Variants in ENOX2 observed in about 807,000 individuals in gnomAD.
The protein encoded by ENOX2 is ecto-NOX disulfide-thiol exchanger 2, also known as APK1 antigen.
ENOX2 carries 36 observed loss-of-function variants against 45.0 expected under a neutral mutation model. The observed-to-expected ratio is 0.80, with a 90% CI of 0.61 to 1.06. The LOEUF (loss-of-function observed/expected upper bound fraction) is 1.06, where lower values mean the gene tolerates loss of function less well. Among genes scored for constraint, ENOX2 ranks in the 50% least tolerant of loss-of-function variants. The pLI, the probability that ENOX2 is intolerant of heterozygous loss-of-function variation, is 0.00. For synonymous variants in ENOX2, 174 were observed against 152.3 expected (o/e 1.14, Z -1.05); for missense variants, 423 against 462.5 (o/e 0.91, Z 0.78).
intron 12 of ENOX2, among the ~76,000 whole-genome samples, chrX:130,632,972 G>C (rs752144176): frequency 7.6e-4 from 85 of 112,316 alleles, no homozygotes; most frequent in African/African-American, 2.6e-3. Flanking sequence ...GAGTTTAACA[G>C]ATTGGGGTTG....
intron 2 of ENOX2, among the ~76,000 whole-genome samples, chrX:130,848,376 T>G (rs2078150609): frequency 8.9e-6 from 1 of 111,819 alleles, no homozygotes; most frequent in Non-Finnish European, 1.9e-5. Context: ...AAATCAAATA[T>G]TGTAAATCTA....
At chrX:130,674,916 A>G (rs1424121072) in intron 6 of ENOX2, among the ~76,000 whole-genome samples, 1 of 95,308 alleles carries the variant, frequency 1.0e-5, no homozygotes, top group Non-Finnish European at 2.1e-5. Context: ...ATGATTTCCA[A>G]TTTCATCCAT....
chrX:130,753,241 T>C (rs1603339854), intron 3 of ENOX2, among the ~76,000 whole-genome samples: 1 of 110,383 alleles, frequency 9.1e-6, no homozygotes, highest in East Asian at 2.8e-4. Flanking sequence ...CTCCCCATTC[T>C]ATCTCTTCTG....
intron 8 of ENOX2, among the ~76,000 whole-genome samples, chrX:130,666,507 C>T (rs2036836273): frequency 9.0e-6 from 1 of 111,428 alleles, no homozygotes; most frequent in South Asian, 3.8e-4. Context: ...GACAAGAGCC[C>T]CTGTCTGGTT....
chrX:130,809,521 T>G (rs529273851), intron 2 of ENOX2, among the ~76,000 whole-genome samples: 1 of 111,907 alleles, frequency 8.9e-6, no homozygotes, highest in South Asian at 3.8e-4. Context: ...GTTTTTTTAT[T>G]CTCCCCAAAG....
intron 3 of ENOX2, among the ~76,000 whole-genome samples, chrX:130,780,824 C>T (rs1346051348): frequency 1.8e-5 from 2 of 111,159 alleles, no homozygotes; most frequent in Non-Finnish European, 3.8e-5. Context: ...ATCCCTCCCT[C>T]GTTTGCAGGG....
In ENOX2 at chrX:130,700,433, C is replaced by T. The variant is rs1328325013; in HGVS notation, c.97+2687G>A. ...AGGTCAAAGAGAAACCATTTCTTTA[C>T]AGTCGTTAAGAAAACAAGATGTGGA... On this transcript the variant is annotated intron_variant, in intron 4 of 14. Coordinates refer to ENST00000394363, the MANE Select transcript of ENOX2 (RefSeq NM_006375.4). 9.8e-5 allele frequency among the ~76,000 whole-genome samples: 11 copies of T among 111,875 alleles called. No individual in the cohort carries two copies. The Admixed American group carries it at 1.0e-3, about 11-fold the overall frequency.
intron 4 of ENOX2, among the ~76,000 whole-genome samples, chrX:130,700,846 C>G (rs997456760): frequency 1.8e-5 from 2 of 111,548 alleles, no homozygotes; most frequent in Admixed American, 9.5e-5. Flanking sequence ...AAGGGTAACA[C>G]AGTAAGTGGC....
At chrX:130,892,774 G>C (rs1164729533) in intron 2 of ENOX2, among the ~76,000 whole-genome samples, 1 of 112,785 alleles carries the variant, frequency 8.9e-6, no homozygotes, top group Non-Finnish European at 1.9e-5. Flanking sequence ...AGGATGACTT[G>C]GTTGATTTCA....
Position 130,734,135 on chromosome X carries a change from G to A in ENOX2, c.-38-30881C>T, listed in dbSNP as rs981706614. ...GTACTGCAGAGATCCCTCTGGTGCA[G>A]GAAAGCAAGGCAGAGTTTTCCTGCA... On this transcript the variant is annotated intron_variant, in intron 3 of 14. Coordinates refer to ENST00000394363, the MANE Select transcript of ENOX2 (RefSeq NM_006375.4). Among the ~76,000 whole-genome samples the A allele has an allele frequency of 2.3e-4, 26 of 112,181 alleles. No homozygotes were observed. The Middle Eastern group carries it at 0.014, about 59-fold the overall frequency.
chrX:130,860,517 T>C (rs1027696088), intron 2 of ENOX2, among the ~76,000 whole-genome samples: 2 of 111,700 alleles, frequency 1.8e-5, no homozygotes, highest in African/African-American at 6.5e-5. Context: ...AAGCTTACTC[T>C]ACCTACAGTC....
chrX:130,776,619 C>T (rs142431509), intron 3 of ENOX2, among the ~76,000 whole-genome samples: 5 of 111,470 alleles, frequency 4.5e-5, no homozygotes, highest in Admixed American at 2.9e-4. Flanking sequence ...TAAAGTCTGC[C>T]GAACCGTGAG....
intron 3 of ENOX2, among the ~76,000 whole-genome samples, chrX:130,767,517 A>G (rs1175151845): frequency 8.9e-6 from 1 of 112,235 alleles, no homozygotes; most frequent in Non-Finnish European, 1.9e-5. Flanking sequence ...GGTACCTACT[A>G]TGCATGTAGC....
chrX:130,802,513 C>G (rs2077235029), intron 2 of ENOX2, among the ~76,000 whole-genome samples: 1 of 112,089 alleles, frequency 8.9e-6, no homozygotes. Flanking sequence ...TGCTTCACAT[C>G]CACCTCACAG....
chrX:130,676,264 C>T (rs1449785775), intron 6 of ENOX2, among the ~76,000 whole-genome samples: 1 of 110,864 alleles, frequency 9.0e-6, no homozygotes, highest in African/African-American at 3.3e-5. Context: ...TGCTCCAATT[C>T]CATCAGAAAA....
chrX:130,759,577 CAAAAAAAAA>C lies in ENOX2; in HGVS notation c.-39+23961_-39+23969del, dbSNP rs753411112. Reference sequence around the variant, plus strand: ...TGGGTGACAGAGCGAGACTATGTACCAAAAAAAAAAAAAAAAAAAAAAAAAAAGTCAGTT... The same window carrying C: ...TGGGTGACAGAGCGAGACTATGTACCAAAAAAAAAAAAAAAAAAGTCAGTT... On this transcript the variant is annotated intron_variant, in intron 3 of 14. Transcript: ENST00000394363. Among the ~76,000 whole-genome samples the C allele has an allele frequency of 6.9e-3, 137 of 19,944 alleles. 1 individual carries two copies. The highest frequency in any genetic ancestry group is 0.027 in the Admixed American group (50 of 1,851). The allele number at this position is 19,944 out of a possible 115,157, so 17.3% of individuals were successfully genotyped here.
intron 5 of ENOX2, among the ~76,000 whole-genome samples, chrX:130,686,696 C>G (rs1000813174): frequency 8.9e-6 from 1 of 111,940 alleles, no homozygotes; most frequent in Non-Finnish European, 1.9e-5. Context: ...GGGCCACCAA[C>G]AACAATGTCA....
chrX:130,661,495 T>G (rs1482320491), intron 9 of ENOX2, among the ~76,000 whole-genome samples: 1 of 111,666 alleles, frequency 9.0e-6, no homozygotes, highest in Non-Finnish European at 1.9e-5. Context: ...AGCCTAAGAC[T>G]TTCAACATTA....
intron 2 of ENOX2, among the ~76,000 whole-genome samples, chrX:130,804,410 C>A (rs1425024809): frequency 8.9e-6 from 1 of 111,818 alleles, no homozygotes; most frequent in Non-Finnish European, 1.9e-5. Flanking sequence ...TCTCTTGACA[C>A]TCCATTATTT....
Sources: gnomAD v4.1 joint callset for allele counts (sites outside exome capture counted in the v4.1 genomes callset) on GRCh38, gnomAD v4.1.1 for gene constraint, MANE v1.5 for transcripts, NCBI Gene and HGNC (gene_info 2026-07-23, HGNC 2026-07-21) for gene names.